KCNU1: variants seen among roughly 807,000 people sequenced by gnomAD.
KCNU1 encodes potassium channel subfamily U member 1.
In KCNU1, 93 loss-of-function variants were observed where a neutral mutation model predicts 126.8. The ratio of observed to expected loss-of-function variants is 0.73; its 90% CI spans 0.62 to 0.87. The LOEUF (loss-of-function observed/expected upper bound fraction) is 0.87, where lower values mean the gene tolerates loss of function less well. KCNU1 is among the 40% of genes least tolerant of loss of function. The probability of loss-of-function intolerance (pLI) is 0.00; values close to 1 mark genes in which losing one functional copy is unlikely to be tolerated. For missense variants in KCNU1, 1,330 were observed against 1,367.1 expected, an observed-to-expected ratio of 0.97 and a Z score of 0.43; for synonymous variants, 523 against 494.2, an observed-to-expected ratio of 1.06 and a Z score of -0.77.
chr8:36,839,854 C>A (rs1230041019), intron 14 of KCNU1, among the ~76,000 whole-genome samples: 1 of 152,146 alleles, frequency 6.6e-6, no homozygotes, highest in Non-Finnish European at 1.5e-5. Flanking sequence ...AACAGCCTTT[C>A]TGTTGGGTTG....
chr8:36,864,021 C>T (rs1300376492), intron 18 of KCNU1, among the ~76,000 whole-genome samples: 1 of 152,104 alleles, frequency 6.6e-6, no homozygotes, highest in Non-Finnish European at 1.5e-5. Context: ...GAATGAATTG[C>T]AAGCCTGGGC....
At chr8:36,872,612 G>C (rs1007973243) in intron 19 of KCNU1, among the ~76,000 whole-genome samples, 5 of 152,140 alleles carry the variant, frequency 3.3e-5, no homozygotes, top group Admixed American at 2.6e-4. Context: ...ATAAGACTTT[G>C]AGAGAAGTTC....
At chr8:36,836,246 G>T in intron 12 of KCNU1, 50 bp from the exon 13 acceptor site, 1 of 1,137,742 alleles carries the variant, frequency 8.8e-7, no homozygotes, top group Non-Finnish European at 1.3e-6. Flanking sequence ...ATATTACAAA[G>T]CCCTTTGGCT....
intron 18 of KCNU1, among the ~76,000 whole-genome samples, chr8:36,849,473 C>A (rs1026589697): frequency 6.6e-6 from 1 of 152,116 alleles, no homozygotes; most frequent in Non-Finnish European, 1.5e-5. Flanking sequence ...CCTGTAATCC[C>A]AGCTACTTGG....
At chr8:36,864,334 C>A in intron 18 of KCNU1, 70 bp from the exon 19 acceptor site, 2 of 982,744 alleles carry the variant, frequency 2.0e-6, no homozygotes, top group Non-Finnish European at 3.3e-6. Context: ...ATGGCTCAGC[C>A]AAGGGGAATA....
chr8:36,807,505 A>G, intron 6 of KCNU1, 55 bp downstream of exon 6: 2 of 1,264,480 alleles, frequency 1.6e-6, no homozygotes, highest in Non-Finnish European at 2.3e-6. Flanking sequence ...TAGAAAATGA[A>G]TGTATTAACT....
At chr8:36,927,570 T>G (rs1358040582) in intron 24 of KCNU1, among the ~76,000 whole-genome samples, 2 of 152,122 alleles carry the variant, frequency 1.3e-5, no homozygotes, top group Non-Finnish European at 2.9e-5. Context: ...TTAGTTGCAG[T>G]TTTCCTACCC....
chr8:36,864,342 A>G, intron 18 of KCNU1, 62 bp from the exon 19 acceptor site: 1 of 1,034,964 alleles, frequency 9.7e-7, no homozygotes, highest in Non-Finnish European at 1.5e-6. Flanking sequence ...GCCAAGGGGA[A>G]TATTCCAACA....
chr8:36,926,346 A>G (rs1354841914), intron 24 of KCNU1, among the ~76,000 whole-genome samples: 1 of 152,124 alleles, frequency 6.6e-6, no homozygotes, highest in African/African-American at 2.4e-5. Context: ...GGGATTTTCA[A>G]GTTTATTTTA....
At chr8:36,906,076 T>C (rs1477574545) in intron 20 of KCNU1, among the ~76,000 whole-genome samples, 3 of 152,128 alleles carry the variant, frequency 2.0e-5, no homozygotes, top group African/African-American at 4.8e-5. Flanking sequence ...TTTAGCTGAC[T>C]CAGTTATTCA....
intron 18 of KCNU1, among the ~76,000 whole-genome samples, chr8:36,859,276 A>G (rs1805643494): frequency 6.6e-6 from 1 of 152,378 alleles, no homozygotes. Context: ...GGAACTTATC[A>G]ATAAATGACA....
In KCNU1 at chr8:36,819,912, A is replaced by G. The variant is rs1315350696; in HGVS notation, c.1106+2152A>G. Among the ~76,000 whole-genome samples the G allele has an allele frequency of 2.6e-5, 4 of 152,308 alleles. No individual in the cohort carries two copies. The South Asian group carries it at 6.2e-4, about 24-fold the overall frequency. On this transcript the variant is annotated intron_variant, in intron 10 of 26. Coordinates refer to ENST00000399881, the MANE Select transcript of KCNU1 (RefSeq NM_001031836.3). ...TGACCTGTGGCTTAATTTGATAAAT[A>G]GAACACAGAAGATGTGACACTTTGC...
At chr8:36,928,971 G>C (rs1808614883) in intron 24 of KCNU1, 1 of 697,578 alleles carries the variant, frequency 1.4e-6, no homozygotes, top group African/African-American at 1.8e-5. Flanking sequence ...TACATGAGAA[G>C]CAATGATAAA....
chr8:36,898,538 T>A (rs1406431498), intron 19 of KCNU1, among the ~76,000 whole-genome samples: 1 of 151,648 alleles, frequency 6.6e-6, no homozygotes. Context: ...TATCTCATGC[T>A]CCGATTCCCC....
chr8:36,931,849 C>T (rs1808712813), intron 25 of KCNU1, among the ~76,000 whole-genome samples: 1 of 152,078 alleles, frequency 6.6e-6, no homozygotes, highest in Non-Finnish European at 1.5e-5. Context: ...CAGTAGATTA[C>T]AGCAAGGGAT....
chr8:36,852,298 CTA>C (rs1278978255), intron 18 of KCNU1, among the ~76,000 whole-genome samples: 17 of 151,980 alleles, frequency 1.1e-4, no homozygotes, highest in Non-Finnish European at 2.2e-4. Context: ...AATTTTGAAT[CTA>C]TATTCAATAC....
chr8:36,916,455 G>C (rs1808114040), intron 22 of KCNU1, among the ~76,000 whole-genome samples: 1 of 151,784 alleles, frequency 6.6e-6, no homozygotes, highest in Non-Finnish European at 1.5e-5. Context: ...GGGAACGAAA[G>C]GAGGGAAGGG....
intron 7 of KCNU1, among the ~76,000 whole-genome samples, chr8:36,811,185 G>A (rs1803695854): frequency 6.6e-6 from 1 of 152,112 alleles, no homozygotes; most frequent in Non-Finnish European, 1.5e-5. Context: ...TCAACCTACT[G>A]TAAATATCAT....
chr8:36,918,709 C>T, intron 22 of KCNU1, 114 bp from the exon 23 acceptor site: 2 of 719,272 alleles, frequency 2.8e-6, no homozygotes, highest in Admixed American at 2.3e-5. Flanking sequence ...GGGATTTATA[C>T]ATGAAAGTAA....
Sources: allele counts gnomAD v4.1 joint callset (sites outside exome capture counted in the v4.1 genomes callset), GRCh38; gene constraint gnomAD v4.1.1; transcripts MANE v1.5; gene names NCBI Gene and HGNC (gene_info 2026-07-23, HGNC 2026-07-21).